The following WWC2 variants were observed in gnomAD, a reference collection of about 807,000 sequenced individuals.
The protein encoded by WWC2 is WW and C2 domain containing 2.
A neutral mutation model predicts 138.5 loss-of-function variants in WWC2; 101 were observed. The observed-to-expected ratio is 0.73, with a 90% CI of 0.62 to 0.86. The LOEUF (loss-of-function observed/expected upper bound fraction) is 0.86, where lower values mean the gene tolerates loss of function less well. WWC2 is among the 40% of genes least tolerant of loss of function. The probability of loss-of-function intolerance (pLI) is 0.00; values close to 1 mark genes in which losing one functional copy is unlikely to be tolerated. For synonymous variants in WWC2, 558 were observed against 538.4 expected (o/e 1.04, Z -0.50); for missense variants, 1,420 against 1,419.4 (o/e 1.00, Z -0.01).
At chr4:183,247,515 C>CTATACTATATATATACTATA (rs1261817617) in intron 6 of WWC2, among the ~76,000 whole-genome samples, 7 of 141,844 alleles carry the variant, frequency 4.9e-5, no homozygotes, top group South Asian at 2.1e-4. Flanking sequence ...TATATATACA[C>CTATACTATATATATACTATA]TATACTATAT....
intron 1 of WWC2, among the ~76,000 whole-genome samples, chr4:183,103,331 CTT>C (rs772364256): frequency 1.9e-4 from 24 of 123,786 alleles, no homozygotes; most frequent in African/African-American, 3.7e-4. Context: ...TCTGTATTGT[CTT>C]TTTTTTTTTT....
At position 183,237,803 on chromosome 4, in the gene WWC2, A is replaced by C. The variant is rs560866795; in HGVS notation, c.523-2380A>C. ...GTATTACACCGCTCTTGTCTTTGTC[A>C]CGTTGTTCCTCATAGTGCCTGGTCT... On this transcript the variant is annotated intron_variant, in intron 4 of 22. Transcript: ENST00000403733. Among the ~76,000 whole-genome samples the C allele has an allele frequency of 3.3e-5, 5 of 152,242 alleles. No homozygotes were observed. In the South Asian group the frequency reaches 1.0e-3, roughly 32 times the overall value.
chr4:183,211,632 G>A (rs1011257130), intron 4 of WWC2, among the ~76,000 whole-genome samples: 2 of 152,050 alleles, frequency 1.3e-5, no homozygotes, highest in Admixed American at 6.6e-5. Context: ...GGCCCCTTCC[G>A]TTCGATAGAT....
rs1739288626 is a variant in WWC2, at chr4:183,312,452, C to G, written c.3496C>G (p.Gln1166Glu). 1 of 1,613,668 alleles carries G rather than the reference C, an allele frequency of 6.2e-7. No individual in the cohort carries two copies. The part of the protein sequence containing the change: ...LREQSQKVPR[Q>E]VQSFREKIAY... ...GGAGCAGAGCCAGAAGGTGCCTCGG[C>G]AGGTGCAGTCCTTCAGGTGAATAGC... is the stretch of plus-strand genomic sequence containing the variant. Residue 1166 changes from glutamine (Q) to glutamate (E), a missense_variant, in exon 22 of 23, where the codon CAG becomes GAG. Coordinates refer to ENST00000403733, the MANE Select transcript of WWC2 (RefSeq NM_024949.6).
chr4:183,202,532 C>T (rs1735330406), intron 2 of WWC2, among the ~76,000 whole-genome samples: 1 of 152,150 alleles, frequency 6.6e-6, no homozygotes, highest in African/African-American at 2.4e-5. Context: ...TGCTGATCTG[C>T]CCCTGACATC....
chr4:183,193,465 G>A (rs1020619801), intron 1 of WWC2, 134 bp from the exon 2 acceptor site: 2 of 728,270 alleles, frequency 2.7e-6, no homozygotes, highest in South Asian at 1.9e-5. Context: ...ATATACATCT[G>A]TATTTTATCC....
Position 183,284,309 on chromosome 4 carries a change from A to G in WWC2, c.2967A>G (p.Arg989=). The G allele has an allele frequency of 6.2e-7, 1 of 1,614,016 alleles. No individual in the cohort carries two copies. Among genetic ancestry groups the G allele is most frequent in the Non-Finnish European group, 8.5e-7 (1 of 1,179,894 alleles). ...RPKERSSLSS[R]QHPFVRSSVI... ...AAGAGCGCAGCAGCCTGAGCTCTAG[A>G]CAGCATCCGTTTGTGAGGAGCAGTG... Residue 989 remains arginine, a synonymous_variant, in exon 19 of 23, where the codon AGA becomes AGG. Coordinates refer to ENST00000403733, the MANE Select transcript of WWC2 (RefSeq NM_024949.6).
At chr4:183,172,199 C>T (rs967664475) in intron 1 of WWC2, among the ~76,000 whole-genome samples, 1 of 152,120 alleles carries the variant, frequency 6.6e-6, no homozygotes, top group Non-Finnish European at 1.5e-5. Context: ...CAAGTTTGTC[C>T]TGGTTAATCA....
intron 16 of WWC2, among the ~76,000 whole-genome samples, chr4:183,275,880 C>G (rs1453366320): frequency 1.3e-5 from 2 of 152,102 alleles, no homozygotes; most frequent in Non-Finnish European, 2.9e-5. Context: ...ACAAGTGAAG[C>G]CATCCAGTCC....
At chr4:183,251,965 AGTT>A (rs1209955939) in intron 8 of WWC2, among the ~76,000 whole-genome samples, 5 of 152,172 alleles carry the variant, frequency 3.3e-5, no homozygotes, top group African/African-American at 1.2e-4. Context: ...ATGTTGAGAC[AGTT>A]GTTTATGATT....
intron 1 of WWC2, among the ~76,000 whole-genome samples, chr4:183,151,779 C>G (rs1019484174): frequency 1.5e-4 from 23 of 152,160 alleles, no homozygotes; most frequent in Non-Finnish European, 2.6e-4. Context: ...TTTCCCAGCA[C>G]CACTTATTAA....
intron 1 of WWC2, among the ~76,000 whole-genome samples, chr4:183,105,919 C>T (rs1216883587): frequency 1.3e-5 from 2 of 150,322 alleles, no homozygotes; most frequent in Non-Finnish European, 3.0e-5. Flanking sequence ...TTTTGGACTT[C>T]TTTATGCATT....
In WWC2 at chr4:183,234,794, C is replaced by G. The variant is rs560172901; in HGVS notation, c.523-5389C>G. 3.9e-5 allele frequency among the ~76,000 whole-genome samples: 6 copies of G among 152,214 alleles called. No homozygotes were observed. The East Asian group carries it at 5.8e-4, about 15-fold the overall frequency. On this transcript the variant is annotated intron_variant, in intron 4 of 22. Coordinates refer to ENST00000403733, the MANE Select transcript of WWC2 (RefSeq NM_024949.6). ...GTTAAAAGCACTTATGAACTTAGCTCTCATTATTGCTTCCTAGTAGAGTCT... is the reference window on the plus strand; with the variant it reads ...GTTAAAAGCACTTATGAACTTAGCTGTCATTATTGCTTCCTAGTAGAGTCT...
chr4:183,300,657 A>G (rs1738805922), intron 21 of WWC2, among the ~76,000 whole-genome samples: 1 of 152,194 alleles, frequency 6.6e-6, no homozygotes, highest in Non-Finnish European at 1.5e-5. Flanking sequence ...AGATACAGAT[A>G]TAAATATAAA....
At chr4:183,149,973 G>A (rs570257497) in intron 1 of WWC2, among the ~76,000 whole-genome samples, 17 of 152,262 alleles carry the variant, frequency 1.1e-4, no homozygotes, top group Middle Eastern at 3.4e-3. Flanking sequence ...GGGTACCCAG[G>A]AGGCTTCTGG....
intron 12 of WWC2, 43 bp from the exon 13 acceptor site, chr4:183,265,645 T>C (rs1266048165): frequency 8.3e-6 from 13 of 1,558,636 alleles, no homozygotes; most frequent in African/African-American, 2.7e-5. Context: ...TAACAATCGA[T>C]AACCCCATTA....
chr4:183,266,154 C>G (rs896460500), intron 14 of WWC2, among the ~76,000 whole-genome samples: 1 of 152,142 alleles, frequency 6.6e-6, no homozygotes, highest in African/African-American at 2.4e-5. Context: ...TCAACTGATT[C>G]TTTCTAAGAG....
At chr4:183,166,060 T>C (rs1251455806) in intron 1 of WWC2, among the ~76,000 whole-genome samples, 1 of 152,188 alleles carries the variant, frequency 6.6e-6, no homozygotes, top group East Asian at 1.9e-4. Context: ...AATTGAGATC[T>C]TGTGTTAGTA....
In WWC2 at chr4:183,148,195, T is replaced by G. The variant is rs373109100; in HGVS notation, c.132-45404T>G. Among the ~76,000 whole-genome samples, 7 of 152,294 alleles carry G rather than the reference T, an allele frequency of 4.6e-5. No individual in the cohort carries two copies. In the East Asian group the frequency reaches 9.6e-4, roughly 21 times the overall value. ...AATACCTGACTTGGCAAAACTGAGT[T>G]TTTTTGGGATATAAAGTACTAATGA... On this transcript the variant is annotated intron_variant, in intron 1 of 22. Coordinates refer to ENST00000403733, the MANE Select transcript of WWC2 (RefSeq NM_024949.6).
Sources: allele counts gnomAD v4.1 joint callset (sites outside exome capture counted in the v4.1 genomes callset), GRCh38; gene constraint gnomAD v4.1.1; transcripts MANE v1.5; gene names NCBI Gene and HGNC (gene_info 2026-07-23, HGNC 2026-07-21).